AKAP11: variants seen among roughly 807,000 people sequenced by gnomAD.
AKAP11 encodes the protein A-kinase anchor protein 11.
AKAP11 carries 36 observed loss-of-function variants against 146.1 expected under a neutral mutation model. The ratio of observed to expected loss-of-function variants is 0.25; its 90% confidence interval spans 0.19 to 0.33. AKAP11 has a LOEUF of 0.33. Among genes scored for constraint, AKAP11 ranks in the 10% least tolerant of loss-of-function variants. AKAP11 has a pLI of 1.00. For synonymous variants in AKAP11, 780 were observed against 786.5 expected (o/e 0.99, Z 0.14); for missense variants, 2,201 against 2,197.0 (o/e 1.00, Z -0.04).
chr13:42,300,706 C>T lies in AKAP11; in HGVS notation c.1960C>T (p.Leu654Phe). ...ARFAADLAEE[L>F]VFEGIMEVCQ... ...GTTTGCTGCAGATCTTGCTGAAGAGCTTGTTTTTGAAGGCATCATGGAGGT... is the reference window on the plus strand; with the variant it reads ...GTTTGCTGCAGATCTTGCTGAAGAGTTTGTTTTTGAAGGCATCATGGAGGT... The change falls in exon 8 of 13, where the codon CTT (leucine) becomes TTT (phenylalanine). Residue 654 changes from leucine to phenylalanine, a missense_variant. This residue lies in a region of AKAP11 where 1,867 missense variants were observed against 1,833.5 expected (regional missense o/e 1.02). Transcript: ENST00000025301. The T allele has an allele frequency of 6.2e-7, 1 of 1,614,050 alleles. No homozygotes were observed. The highest frequency in any genetic ancestry group is 1.1e-5 in the South Asian group (1 of 91,070).
rs779758870 is a variant in AKAP11, at chr13:42,295,653, T to TA, written c.169-37dup. 8.8e-6 allele frequency: 14 copies of TA among 1,586,638 alleles called. No homozygotes were observed. In the Admixed American group the frequency reaches 2.2e-4, roughly 25 times the overall value. ...AGCTCTGTCACCAGCCTGAAAGATTTAAAAATTCAAATTAATGGAGGTTTA... is the reference window on the plus strand; with the variant it reads ...AGCTCTGTCACCAGCCTGAAAGATTTAAAAAATTCAAATTAATGGAGGTTTA... On this transcript the variant is annotated intron_variant, in intron 4 of 12. Transcript: ENST00000025301.
In AKAP11 at chr13:42,303,443, C is replaced by T. The variant is rs769831875; in HGVS notation, c.4697C>T (p.Thr1566Ile). The T allele has an allele frequency of 7.4e-6, 12 of 1,613,986 alleles. No individual in the cohort carries two copies. The Admixed American group carries it at 2.0e-4, about 27-fold the overall frequency. ...TCTACAGTGTTCCGAGTGTCTGAGA[C>T]CACAAAATCAGCAGACAGGGTCACT... is the stretch of plus-strand genomic sequence containing the variant. ...LGSTVFRVSE[T>I]TKSADRVTYA... Residue 1566 changes from threonine to isoleucine, a missense_variant, in exon 8 of 13, where the codon ACC (threonine) becomes ATC (isoleucine). Physicochemically the swap from Thr to Ile is moderately conservative, Grantham distance 89. Coordinates refer to ENST00000025301, the MANE Select transcript of AKAP11 (RefSeq NM_016248.4).
At chr13:42,280,956 C>T (rs1250696662) in intron 1 of AKAP11, among the ~76,000 whole-genome samples, 1 of 152,098 alleles carries the variant, frequency 6.6e-6, no homozygotes, top group Non-Finnish European at 1.5e-5. Flanking sequence ...TTTAATGGCT[C>T]TTACTGAGAT....
At chr13:42,306,419 C>T (rs1190093942) in intron 8 of AKAP11, among the ~76,000 whole-genome samples, 1 of 152,122 alleles carries the variant, frequency 6.6e-6, no homozygotes, top group Non-Finnish European at 1.5e-5. Flanking sequence ...CTAGCAAATG[C>T]CTTTGTTATT....
At chr13:42,298,876 C>G in intron 7 of AKAP11, 79 bp downstream of exon 7, 1 of 1,387,774 alleles carries the variant, frequency 7.2e-7, no homozygotes, top group Non-Finnish European at 9.6e-7. Context: ...CAGGCTTGTT[C>G]AGTTGAAATT....
intron 10 of AKAP11, among the ~76,000 whole-genome samples, chr13:42,313,612 T>C (rs781020826): frequency 5.9e-5 from 9 of 152,216 alleles, no homozygotes; most frequent in Non-Finnish European, 1.3e-4. Context: ...ATTTCAACTT[T>C]AAATGATTTT....
At chr13:42,308,703 TGAAAATATGCTA>T (rs1960408835) in intron 9 of AKAP11, 94 bp downstream of exon 9, 3 of 968,390 alleles carry the variant, frequency 3.1e-6, no homozygotes, top group South Asian at 5.2e-5. Flanking sequence ...ATTCTAAATT[TGAAAATATGCTA>T]TTACTTTCAA....
In AKAP11 at chr13:42,320,506, C is replaced by G. The variant is rs1163562294; in HGVS notation, c.*1278C>G. 6.7e-6 allele frequency: 1 copy of G among 149,686 alleles called. No homozygotes were observed. Among genetic ancestry groups the G allele is most frequent in the Non-Finnish European group, 1.5e-5 (1 of 67,302 alleles). 9.3% of individuals were successfully genotyped at this position (149,686 alleles called of 1,614,324 possible). ...CAACTCTCTCTCCCCTCCTCCCACT[C>G]TCTTCCCCCTCCCCCCTCCTCCCAC... is the stretch of plus-strand genomic sequence containing the variant. On this transcript the variant is annotated 3_prime_UTR_variant, in exon 13 of 13. Coordinates refer to ENST00000025301, the MANE Select transcript of AKAP11 (RefSeq NM_016248.4).
chr13:42,314,037 CAGTGTAAA>C, intron 11 of AKAP11, 97 bp downstream of exon 11: 1 of 1,172,406 alleles, frequency 8.5e-7, no homozygotes, highest in Non-Finnish European at 1.2e-6. Context: ...TCTAGGTTAT[CAGTGTAAA>C]ACATTATAAA....
intron 8 of AKAP11, 52 bp from the exon 9 acceptor site, chr13:42,308,402 A>G (rs763500440): frequency 9.7e-6 from 14 of 1,443,172 alleles, no homozygotes; most frequent in Non-Finnish European, 1.3e-5. Flanking sequence ...TTGTAAGTTC[A>G]GAATCTGGGA....
At position 42,322,953 on chromosome 13, in the gene AKAP11, A is replaced by AAT. The variant is rs1961147211; in HGVS notation, c.*3729_*3730dup. 1.3e-5 allele frequency: 2 copies of AAT among 152,814 alleles called. No individual in the cohort carries two copies. The highest frequency in any genetic ancestry group is 1.3e-4 in the Admixed American group (2 of 15,294). 9.5% of individuals were successfully genotyped at this position (152,814 alleles called of 1,614,324 possible). A position where few individuals can be genotyped will look rare whatever the true frequency, so the allele number is the denominator to read the frequency against. On this transcript the variant is annotated 3_prime_UTR_variant, in exon 13 of 13. Coordinates refer to ENST00000025301, the MANE Select transcript of AKAP11 (RefSeq NM_016248.4). ...TTAAAAGTAATCCACTTTCTTGTTT[A>AAT]ATATACCAGATACATAGCAAAAGCA...
chr13:42,322,873 T>C lies in AKAP11; in HGVS notation c.*3645T>C, dbSNP rs1961143990. On this transcript the variant is annotated 3_prime_UTR_variant, in exon 13 of 13. Coordinates refer to ENST00000025301, the MANE Select transcript of AKAP11 (RefSeq NM_016248.4). The stretch of plus-strand genomic sequence containing the variant: ...TTTTGTTGTAATGTTTGAATACTAT[T>C]TAATATCCGGTTTTAATATTGCTGG... 2 of 152,732 alleles carry C rather than the reference T, an allele frequency of 1.3e-5. No individual in the cohort carries two copies. Among genetic ancestry groups the C allele is most frequent in the African/African-American group, 4.8e-5 (2 of 41,462 alleles). 9.5% of individuals were successfully genotyped at this position (152,732 alleles called of 1,614,324 possible).
At chr13:42,311,929 GT>G (rs1267857832) in intron 9 of AKAP11, among the ~76,000 whole-genome samples, 3 of 152,132 alleles carry the variant, frequency 2.0e-5, no homozygotes, top group Non-Finnish European at 4.4e-5. Flanking sequence ...ATTTGTGACA[GT>G]TTGATCATGT....
At chr13:42,305,794 TA>T (rs1960224418) in intron 8 of AKAP11, among the ~76,000 whole-genome samples, 1 of 152,164 alleles carries the variant, frequency 6.6e-6, no homozygotes, top group South Asian at 2.1e-4. Context: ...GAGTAATTTA[TA>T]AACAAAGGAG....
In AKAP11 at chr13:42,319,973, AGTTT is replaced by A. The variant is rs71788303; in HGVS notation, c.*749_*752del. 7,435 of 140,316 alleles carry A rather than the reference AGTTT, an allele frequency of 0.053. 269 individuals are homozygous for A. Among genetic ancestry groups the A allele is most frequent in the Middle Eastern group, 0.13 (33 of 250 alleles). 8.7% of individuals were successfully genotyped at this position (140,316 alleles called of 1,614,324 possible). On this transcript the variant is annotated 3_prime_UTR_variant, in exon 13 of 13. Coordinates refer to ENST00000025301, the MANE Select transcript of AKAP11 (RefSeq NM_016248.4). ...TGTAAGGGAGTACTTTAACCTTGCC[AGTTT>A]GTTCCCTCTTTTATTTTACTGTTTT...
intron 8 of AKAP11, among the ~76,000 whole-genome samples, chr13:42,307,920 A>G (rs1299373038): frequency 6.6e-6 from 1 of 152,212 alleles, no homozygotes; most frequent in African/African-American, 2.4e-5. Flanking sequence ...TCTTGTGATG[A>G]TGGAATAAAA....
At chr13:42,297,978 GA>G (rs1566269194) in intron 6 of AKAP11, among the ~76,000 whole-genome samples, 1 of 151,728 alleles carries the variant, frequency 6.6e-6, no homozygotes, top group African/African-American at 2.4e-5. Context: ...GTATTTACTT[GA>G]AAAAAGTAGT....
rs77950370 is a variant in AKAP11 at position 42,292,106 on chromosome 13, A to T, written c.52-279A>T. On this transcript the variant is annotated intron_variant, in intron 3 of 12. Coordinates refer to ENST00000025301, the MANE Select transcript of AKAP11 (RefSeq NM_016248.4). ...GTTTGTTAAGTTTTAGTGTAAGGTA[A>T]GAGTAAGTGAACCTGGTATGAGATC... Among the ~76,000 whole-genome samples, 39 of 152,324 alleles carry T rather than the reference A, an allele frequency of 2.6e-4. 2 individuals are homozygous for T. The East Asian group carries it at 7.3e-3, about 29-fold the overall frequency.
intron 8 of AKAP11, among the ~76,000 whole-genome samples, chr13:42,305,603 TAA>T (rs1445888386): frequency 6.6e-6 from 1 of 152,204 alleles, no homozygotes; most frequent in Non-Finnish European, 1.5e-5. Flanking sequence ...TATTTATAAA[TAA>T]AGTTTTATTG....
Sources: allele counts gnomAD v4.1 joint callset (sites outside exome capture counted in the v4.1 genomes callset), GRCh38; gene constraint gnomAD v4.1.1; regional missense constraint gnomAD v4.1.1; transcripts MANE v1.5; gene names NCBI Gene and HGNC (gene_info 2026-07-23, HGNC 2026-07-21).